Variants in SLC39A8 observed in about 807,000 individuals in gnomAD.
SLC39A8 encodes metal cation symporter ZIP8.
A neutral mutation model predicts 40.4 loss-of-function variants in SLC39A8; 15 were observed. The ratio of observed to expected loss-of-function variants is 0.37; its 90% CI spans 0.25 to 0.57. SLC39A8 has a LOEUF of 0.57. SLC39A8 is among the 20% of genes least tolerant of loss of function. The pLI is 0.75. For missense variants in SLC39A8, 472 were observed against 558.8 expected (o/e 0.84, Z 1.57); for synonymous variants, 223 against 221.6 (o/e 1.01, Z -0.06).
intron 8 of SLC39A8, among the ~76,000 whole-genome samples, chr4:102,264,540 A>G (rs550007786): frequency 6.6e-4 from 100 of 152,346 alleles, no homozygotes; most frequent in African/African-American, 2.1e-3. Context: ...ACTGACCTCA[A>G]CTTAAAGTTA....
intron 2 of SLC39A8, among the ~76,000 whole-genome samples, chr4:102,332,215 C>A (rs140991625): frequency 0.021 from 3,140 of 152,236 alleles, 98 homozygotes; most frequent in African/African-American, 0.071. Context: ...AAGCTATCAT[C>A]AAAGTGAACA....
In SLC39A8 at chr4:102,262,738, A is replaced by G. The variant is rs1731918656; in HGVS notation, c.*306T>C. 2.1e-5 allele frequency: 22 copies of G among 1,052,252 alleles called. No individual in the cohort carries two copies. The highest frequency in any genetic ancestry group is 7.4e-5 in the East Asian group (1 of 13,474). 65.2% of individuals were successfully genotyped at this position (1,052,252 alleles called of 1,614,324 possible). The stretch of plus-strand genomic sequence containing the variant: ...TTTTCCCCTGAGTCTGAGTGTCTAC[A>G]TGATTATAGAATGCATGTCTCTTGC... On this transcript the variant is annotated 3_prime_UTR_variant, in exon 9 of 9. Transcript: ENST00000356736.
chr4:102,324,389 G>A lies in SLC39A8; in HGVS notation c.220-8559C>T, dbSNP rs138921958. On this transcript the variant is annotated intron_variant, in intron 2 of 8. Transcript: ENST00000356736. Reference sequence around the variant, plus strand: ...CAGCCTGGTGACAAACCAAGACTCCGGCTCAAGAAAGAAAAAAAAAAATCC... The same window carrying A: ...CAGCCTGGTGACAAACCAAGACTCCAGCTCAAGAAAGAAAAAAAAAAATCC... The A allele has an allele frequency of 6.3e-3, 964 of 152,880 alleles. 10 individuals carry two copies. The highest frequency in any genetic ancestry group is 0.022 in the African/African-American group (908 of 41,418). The allele number at this position is 152,880 out of a possible 1,614,324, so 9.5% of individuals were successfully genotyped here.
Position 102,344,715 on chromosome 4 carries a change from C to A in SLC39A8, c.-53G>T. The A allele has an allele frequency of 7.3e-7, 1 of 1,376,900 alleles. No individual in the cohort carries two copies. Among genetic ancestry groups the A allele is most frequent in the Non-Finnish European group, 9.3e-7 (1 of 1,073,258 alleles). 85.3% of individuals were successfully genotyped at this position (1,376,900 alleles called of 1,614,324 possible). A position where few individuals can be genotyped will look rare whatever the true frequency, so the allele number is the denominator to read the frequency against. ...CGCGACGGGCTGCCGCGCAGAGGGA[C>A]GCGCGCGGGCGCACTGGCGTCCTTG... is the stretch of plus-strand genomic sequence containing the variant. On this transcript the variant is annotated 5_prime_UTR_variant, in exon 2 of 9. Coordinates refer to ENST00000356736, the MANE Select transcript of SLC39A8 (RefSeq NM_001135146.2).
At chr4:102,340,866 G>A (rs1171714244) in intron 2 of SLC39A8, among the ~76,000 whole-genome samples, 1 of 152,136 alleles carries the variant, frequency 6.6e-6, no homozygotes, top group East Asian at 1.9e-4. Flanking sequence ...GATTTTCACA[G>A]GGCAATTCAA....
At chr4:102,324,309 C>T (rs773404656) in intron 2 of SLC39A8, 12 of 272,670 alleles carry the variant, frequency 4.4e-5, no homozygotes, top group South Asian at 3.3e-4. Context: ...GCAGGAGAAT[C>T]GCTTGAACCC....
rs561586369 is a variant in SLC39A8 at position 102,256,286 on chromosome 4, A to C, written c.*299-2856T>G. ...CACGTAGCACTTCATAGTATGCTTT[A>C]AGTGAGGGAATGTGACCTATAGATA... On this transcript the variant is annotated intron_variant and NMD_transcript_variant, in intron 11 of 11. Coordinates refer to the SLC39A8 transcript ENST00000424970. 9.2e-5 allele frequency among the ~76,000 whole-genome samples: 14 copies of C among 152,228 alleles called. 1 individual carries two copies. The highest frequency in any genetic ancestry group is 7.8e-4 in the Admixed American group (12 of 15,290).
intron 6 of SLC39A8, among the ~76,000 whole-genome samples, chr4:102,298,666 G>A (rs767377576): frequency 6.6e-6 from 1 of 152,012 alleles, no homozygotes; most frequent in Non-Finnish European, 1.5e-5. Flanking sequence ...CCCTCTTGAA[G>A]CTATGTCCTT....
At chr4:102,309,912 T>C (rs1734350443) in intron 3 of SLC39A8, among the ~76,000 whole-genome samples, 1 of 152,060 alleles carries the variant, frequency 6.6e-6, no homozygotes, top group Admixed American at 6.6e-5. Context: ...GCCAGTGGTC[T>C]TGAAGTCAGA....
At chr4:102,264,342 G>A (rs1578554112) in intron 8 of SLC39A8, among the ~76,000 whole-genome samples, 1 of 152,212 alleles carries the variant, frequency 6.6e-6, no homozygotes, top group Non-Finnish European at 1.5e-5. Context: ...TCAATGAGCA[G>A]TAATGTTTGA....
intron 6 of SLC39A8, among the ~76,000 whole-genome samples, chr4:102,275,861 G>A (rs561331894): frequency 9.2e-5 from 14 of 152,104 alleles, no homozygotes; most frequent in African/African-American, 3.1e-4. Flanking sequence ...ACATGGAAAC[G>A]GAACAAACTG....
At chr4:102,338,699 A>C (rs910473742) in intron 2 of SLC39A8, among the ~76,000 whole-genome samples, 22 of 152,186 alleles carry the variant, frequency 1.4e-4, no homozygotes, top group African/African-American at 5.3e-4. Context: ...AATTCAAAAA[A>C]TGCACTATAG....
intron 2 of SLC39A8, among the ~76,000 whole-genome samples, chr4:102,335,479 CA>C (rs1735626306): frequency 6.6e-6 from 1 of 152,176 alleles, no homozygotes; most frequent in African/African-American, 2.4e-5. Flanking sequence ...CTTCGGCTTG[CA>C]AAACCCATAT....
chr4:102,285,184 G>T (rs1370923647), intron 6 of SLC39A8, among the ~76,000 whole-genome samples: 2 of 152,088 alleles, frequency 1.3e-5, no homozygotes, highest in Non-Finnish European at 2.9e-5. Context: ...CTTCGAAAAA[G>T]AATTAGGCTC....
intron 6 of SLC39A8, among the ~76,000 whole-genome samples, chr4:102,293,333 CAA>C (rs1478846134): frequency 6.6e-6 from 1 of 151,898 alleles, no homozygotes; most frequent in East Asian, 1.9e-4. Context: ...AAGTTGGAAA[CAA>C]GACAAATTAC....
chr4:102,305,325 T>G (rs533918905), intron 4 of SLC39A8, among the ~76,000 whole-genome samples: 1 of 151,966 alleles, frequency 6.6e-6, no homozygotes, highest in Non-Finnish European at 1.5e-5. Context: ...CAACTAGAAG[T>G]CTCATTAAAT....
intron 2 of SLC39A8, among the ~76,000 whole-genome samples, chr4:102,344,236 C>T (rs1394825016): frequency 6.6e-6 from 1 of 152,270 alleles, no homozygotes; most frequent in Non-Finnish European, 1.5e-5. Flanking sequence ...ACTGCAGTTT[C>T]CGGCTGCCAA....
At chr4:102,307,713 T>A (rs902588587) in intron 3 of SLC39A8, 108 bp from the exon 4 acceptor site, 34 of 1,124,312 alleles carry the variant, frequency 3.0e-5, no homozygotes, top group Non-Finnish European at 4.2e-5. Flanking sequence ...AAGACACATA[T>A]CTTCTTTAAA....
chr4:102,271,489 TCTCCTACCAGGG>T (rs1732362104), intron 6 of SLC39A8, among the ~76,000 whole-genome samples: 1 of 152,118 alleles, frequency 6.6e-6, no homozygotes, highest in Admixed American at 6.6e-5. Flanking sequence ...AGCATTCTCT[TCTCCTACCAGGG>T]GGAATCTGGC....
Sources: allele counts gnomAD v4.1 joint callset (sites outside exome capture counted in the v4.1 genomes callset), GRCh38; gene constraint gnomAD v4.1.1; transcripts MANE v1.5; gene names NCBI Gene and HGNC (gene_info 2026-07-23, HGNC 2026-07-21).